THSD7A: variants seen among roughly 807,000 people sequenced by gnomAD.
THSD7A encodes thrombospondin type-1 domain-containing protein 7A.
In THSD7A, 96 loss-of-function variants were observed where a neutral mutation model predicts 231.3. The ratio of observed to expected loss-of-function variants is 0.41; its 90% CI spans 0.35 to 0.49. THSD7A has a LOEUF of 0.49. Ranked by LOEUF, THSD7A falls within the 20% of genes least tolerant of loss-of-function variation. The pLI is 0.05. For missense variants in THSD7A, 2,290 were observed against 2,070.2 expected (o/e 1.11, Z -2.06); for synonymous variants, 940 against 743.3 (o/e 1.26, Z -4.30).
At position 11,379,391 on chromosome 7, in the gene THSD7A, A is replaced by G. The variant is rs1583634325; in HGVS notation, c.4591-111T>C. ...CAAGGTTTGTTTTGGGAATTACTAT[A>G]CATAATTCCTCTATTATTTTTAACT... On this transcript the variant is annotated intron_variant, in intron 25 of 27. Transcript: ENST00000423059. 7 of 1,032,506 alleles carry G rather than the reference A, an allele frequency of 6.8e-6. No homozygotes were observed. In the East Asian group the frequency reaches 1.5e-4, roughly 22 times the overall value. 64.0% of individuals were successfully genotyped at this position (1,032,506 alleles called of 1,614,324 possible).
At chr7:11,475,884 T>C (rs1273434992) in intron 7 of THSD7A, among the ~76,000 whole-genome samples, 2 of 150,536 alleles carry the variant, frequency 1.3e-5, no homozygotes, top group Non-Finnish European at 3.0e-5. Flanking sequence ...TAATATTTGG[T>C]TGATGAAGTT....
At chr7:11,530,179 C>T (rs561306650) in intron 6 of THSD7A, among the ~76,000 whole-genome samples, 26 of 152,180 alleles carry the variant, frequency 1.7e-4, no homozygotes, top group African/African-American at 5.3e-4. Context: ...TTTTTCTGTA[C>T]ATTTATTTTT....
chr7:11,704,472 T>A (rs1780701332), intron 1 of THSD7A, among the ~76,000 whole-genome samples: 1 of 150,708 alleles, frequency 6.6e-6, no homozygotes, highest in Admixed American at 6.6e-5. Context: ...TAAAACAGTA[T>A]CTCTCCTATT....
intron 1 of THSD7A, among the ~76,000 whole-genome samples, chr7:11,764,894 T>C (rs1782984656): frequency 6.6e-6 from 1 of 152,238 alleles, no homozygotes; most frequent in East Asian, 1.9e-4. Flanking sequence ...AAAATTAGGA[T>C]ATGGATTTTA....
intron 1 of THSD7A, among the ~76,000 whole-genome samples, chr7:11,823,501 G>T (rs1225443764): frequency 6.6e-6 from 1 of 151,974 alleles, no homozygotes; most frequent in Non-Finnish European, 1.5e-5. Flanking sequence ...ACATGGCATT[G>T]GTATTTTGAT....
chr7:11,545,266 T>C (rs1789331939), intron 4 of THSD7A, among the ~76,000 whole-genome samples: 1 of 152,122 alleles, frequency 6.6e-6, no homozygotes, highest in African/African-American at 2.4e-5. Flanking sequence ...TGAAAAGTCA[T>C]TTTAAATCTT....
intron 2 of THSD7A, among the ~76,000 whole-genome samples, chr7:11,599,874 G>C (rs768992800): frequency 4.0e-5 from 6 of 151,868 alleles, no homozygotes; most frequent in Non-Finnish European, 8.8e-5. Flanking sequence ...CTTTCATCTC[G>C]GTGGGCACCA....
At chr7:11,391,252 G>T (rs2115329610) in intron 23 of THSD7A, among the ~76,000 whole-genome samples, 1 of 152,280 alleles carries the variant, frequency 6.6e-6, no homozygotes, top group Middle Eastern at 3.4e-3. Context: ...TTATCTATTA[G>T]CCCCTGACTG....
At chr7:11,720,739 A>G (rs1781322038) in intron 1 of THSD7A, among the ~76,000 whole-genome samples, 1 of 151,704 alleles carries the variant, frequency 6.6e-6, no homozygotes, top group Non-Finnish European at 1.5e-5. Context: ...AGCAAAGTGG[A>G]TCCTTCTCAG....
At chr7:11,438,480 T>C (rs906823204) in intron 13 of THSD7A, among the ~76,000 whole-genome samples, 5 of 151,938 alleles carry the variant, frequency 3.3e-5, no homozygotes, top group Non-Finnish European at 5.9e-5. Flanking sequence ...AAAAAAGCAA[T>C]TGCTTAAGCT....
intron 1 of THSD7A, chr7:11,821,027 G>A (rs1042217691): frequency 3.0e-6 from 3 of 987,780 alleles, no homozygotes; most frequent in Admixed American, 3.8e-5. Context: ...CAGGTTTTCT[G>A]GGACTTTTCA....
intron 1 of THSD7A, among the ~76,000 whole-genome samples, chr7:11,673,290 G>A (rs1276104838): frequency 6.6e-6 from 1 of 152,026 alleles, no homozygotes; most frequent in Non-Finnish European, 1.5e-5. Flanking sequence ...TCACCCTATG[G>A]ACATTTAGAT....
chr7:11,613,065 T>G (rs985306651), intron 2 of THSD7A, among the ~76,000 whole-genome samples: 3 of 152,178 alleles, frequency 2.0e-5, no homozygotes, highest in African/African-American at 4.8e-5. Context: ...AACCAGAAAG[T>G]AGTAAGTTCC....
rs75292830 is a variant in THSD7A, at chr7:11,380,831, A to G, written c.4508-1119T>C. ...TTACACATTGGCCTTTTGGTACTGAATAGCATTAGAAATAATCCATTGTAC... is the reference window on the plus strand; with the variant it reads ...TTACACATTGGCCTTTTGGTACTGAGTAGCATTAGAAATAATCCATTGTAC... On this transcript the variant is annotated intron_variant, in intron 24 of 27. Transcript: ENST00000423059. Among the ~76,000 whole-genome samples, 25 of 152,346 alleles carry G rather than the reference A, an allele frequency of 1.6e-4. No individual in the cohort carries two copies. In the East Asian group the frequency reaches 4.8e-3, roughly 29 times the overall value.
chr7:11,370,418 AAC>A lies in THSD7A; in HGVS notation c.*5374_*5375del, dbSNP rs1228006836. 3 of 152,216 alleles carry A rather than the reference AAC, an allele frequency of 2.0e-5. No homozygotes were observed. The highest frequency in any genetic ancestry group is 2.1e-4 in the South Asian group (1 of 4,834). 9.4% of individuals were successfully genotyped at this position (152,216 alleles called of 1,614,324 possible). A position where few individuals can be genotyped will look rare whatever the true frequency, so the allele number is the denominator to read the frequency against. On this transcript the variant is annotated 3_prime_UTR_variant, in exon 28 of 28. Coordinates refer to ENST00000423059, the MANE Select transcript of THSD7A (RefSeq NM_015204.3). ...TTAAGAAGCAATTGGTGCAAATCAAAACACAGATACACATGATTAGAATGAAA... is the reference window on the plus strand; with the variant it reads ...TTAAGAAGCAATTGGTGCAAATCAAAACAGATACACATGATTAGAATGAAA...
chr7:11,770,921 A>G (rs1236852033), intron 1 of THSD7A, among the ~76,000 whole-genome samples: 1 of 151,886 alleles, frequency 6.6e-6, no homozygotes. Context: ...TGAAATGAAG[A>G]AATCCATTAA....
In THSD7A at chr7:11,444,814, C is replaced by G. The variant is rs1413484022; in HGVS notation, c.3064+1247G>C. ...GTGTGTGTGTGTGTGTGTGTATAAA[C>G]TATATATATAATTAAACTATATATA... On this transcript the variant is annotated intron_variant, in intron 13 of 27. Coordinates refer to ENST00000423059, the MANE Select transcript of THSD7A (RefSeq NM_015204.3). The surrounding 1 kb of genome is among the most constrained non-coding windows in gnomAD (Gnocchi z 4.2). 2.8e-5 allele frequency among the ~76,000 whole-genome samples: 4 copies of G among 144,674 alleles called. No individual in the cohort carries two copies. The highest frequency in any genetic ancestry group is 7.6e-5 in the African/African-American group (3 of 39,324). 94.9% of individuals were successfully genotyped at this position (144,674 alleles called of 152,430 possible).
intron 6 of THSD7A, among the ~76,000 whole-genome samples, chr7:11,535,522 C>T (rs1412835360): frequency 6.6e-6 from 1 of 151,570 alleles, no homozygotes; most frequent in Non-Finnish European, 1.5e-5. Flanking sequence ...GAAACAAACT[C>T]CTACCAATAG....
intron 1 of THSD7A, among the ~76,000 whole-genome samples, chr7:11,726,548 T>A (rs892102249): frequency 3.3e-4 from 28 of 85,658 alleles, no homozygotes; most frequent in African/African-American, 1.3e-3. Flanking sequence ...CAGAATTGAT[T>A]TTTTTTGCAC....
Sources: gnomAD v4.1 joint callset for allele counts (sites outside exome capture counted in the v4.1 genomes callset) on GRCh38, gnomAD v4.1.1 for gene constraint, Gnocchi (gnomAD v3.1) non-coding constraint, MANE v1.5 for transcripts, NCBI Gene and HGNC (gene_info 2026-07-23, HGNC 2026-07-21) for gene names.